The following GAB1 variants were observed in gnomAD, a reference collection of about 807,000 sequenced individuals.
GAB1 encodes GRB2 associated binding protein 1, also known as GRB2-associated-binding protein 1.
In GAB1, 19 loss-of-function variants were observed where a neutral mutation model predicts 66.5. The observed-to-expected ratio is 0.29, with a 90% CI of 0.20 to 0.42. The LOEUF is 0.42. Ranked by LOEUF, GAB1 falls within the 10% of genes least tolerant of loss-of-function variation. The pLI is 1.00. For synonymous variants in GAB1, 294 were observed against 301.4 expected (o/e 0.98, Z 0.25); for missense variants, 732 against 858.5 (o/e 0.85, Z 1.84).
At chr4:143,404,475 A>T (rs1169989410) in intron 1 of GAB1, among the ~76,000 whole-genome samples, 1 of 152,234 alleles carries the variant, frequency 6.6e-6, no homozygotes, top group East Asian at 1.9e-4. Context: ...GGATTTTATT[A>T]TTAAAGCTGT....
intron 6 of GAB1, among the ~76,000 whole-genome samples, chr4:143,440,770 A>G (rs956836463): frequency 3.3e-5 from 5 of 152,200 alleles, no homozygotes; most frequent in Non-Finnish European, 7.3e-5. Context: ...ATCTTCTGGT[A>G]TATCAGGAAA....
chr4:143,362,119 C>A (rs1729687143), intron 1 of GAB1, among the ~76,000 whole-genome samples: 1 of 151,178 alleles, frequency 6.6e-6, no homozygotes. Flanking sequence ...TGCTGGGTAA[C>A]CTAAAAGAAT....
chr4:143,392,477 T>C (rs1731231013), intron 1 of GAB1, among the ~76,000 whole-genome samples: 2 of 152,120 alleles, frequency 1.3e-5, no homozygotes. Context: ...GACAATTAAA[T>C]TGTGGTAAGA....
intron 6 of GAB1, among the ~76,000 whole-genome samples, chr4:143,456,889 C>G (rs1351073167): frequency 6.6e-6 from 1 of 152,102 alleles, no homozygotes; most frequent in Non-Finnish European, 1.5e-5. Context: ...GAAGGATGCC[C>G]TTTCATAGGC....
intron 8 of GAB1, among the ~76,000 whole-genome samples, chr4:143,463,479 C>T (rs546844780): frequency 6.6e-6 from 1 of 151,786 alleles, no homozygotes; most frequent in South Asian, 2.1e-4. Context: ...AAAAATTAGC[C>T]GGGCGTGGTG....
intron 8 of GAB1, among the ~76,000 whole-genome samples, chr4:143,465,350 T>A (rs1735726757): frequency 1.3e-5 from 2 of 152,182 alleles, no homozygotes; most frequent in South Asian, 4.1e-4. Context: ...TAGAGAGTAG[T>A]CCTACTGTAC....
chr4:143,464,259 T>C (rs2149795985), intron 8 of GAB1, among the ~76,000 whole-genome samples: 1 of 152,320 alleles, frequency 6.6e-6, no homozygotes, highest in East Asian at 1.9e-4. Flanking sequence ...AGACAGAGTT[T>C]CCCTCTGTTG....
At chr4:143,411,527 C>G (rs1177215741) in intron 1 of GAB1, among the ~76,000 whole-genome samples, 2 of 152,256 alleles carry the variant, frequency 1.3e-5, no homozygotes, top group East Asian at 3.9e-4. Context: ...TTCTAGAAAG[C>G]CTGTCCTTTT....
chr4:143,457,801 G>T (rs370190712), intron 6 of GAB1: 1 of 1,080,402 alleles, frequency 9.3e-7, no homozygotes, highest in Non-Finnish European at 1.4e-6. Context: ...GCTGTATGGG[G>T]CATTGGGAAT....
At position 143,402,153 on chromosome 4, in the gene GAB1, A is replaced by C. The variant is rs1418651459; in HGVS notation, c.73-13324A>C. On this transcript the variant is annotated intron_variant, in intron 1 of 9. Coordinates refer to ENST00000262994, the MANE Select transcript of GAB1 (RefSeq NM_002039.4). ...AAACCAATGCTATCCAAAAATTAAT[A>C]TCTAAGAATAACTTCGCATAAATTA... Among the ~76,000 whole-genome samples, 3 of 152,310 alleles carry C rather than the reference A, an allele frequency of 2.0e-5. No homozygotes were observed. In the East Asian group the frequency reaches 5.8e-4, roughly 29 times the overall value.
chr4:143,434,211 T>A, intron 3 of GAB1: 1 of 1,031,418 alleles, frequency 9.7e-7, no homozygotes, highest in South Asian at 1.4e-5. Context: ...GAGAAATTAA[T>A]CATAAGGTAA....
intron 9 of GAB1, 74 bp from the exon 10 acceptor site, chr4:143,468,957 G>T: frequency 2.1e-5 from 31 of 1,452,370 alleles, no homozygotes; most frequent in African/African-American, 7.1e-5. Context: ...GATGTGTTTT[G>T]TGTTTTAAGA....
At chr4:143,385,613 A>G (rs1357111272) in intron 1 of GAB1, among the ~76,000 whole-genome samples, 2 of 152,126 alleles carry the variant, frequency 1.3e-5, no homozygotes, top group Non-Finnish European at 2.9e-5. Flanking sequence ...CCATGATCTC[A>G]TTTCAGCCCA....
chr4:143,446,290 G>T (rs1402080601), intron 6 of GAB1, among the ~76,000 whole-genome samples: 4 of 152,218 alleles, frequency 2.6e-5, no homozygotes, highest in Admixed American at 1.3e-4. Flanking sequence ...ATGATTTATA[G>T]TCCTTTGGGT....
intron 1 of GAB1, among the ~76,000 whole-genome samples, chr4:143,387,652 C>G (rs1334645435): frequency 1.3e-5 from 2 of 152,194 alleles, no homozygotes; most frequent in Non-Finnish European, 2.9e-5. Context: ...CCCTGTAGGT[C>G]AGACTCTTTC....
intron 1 of GAB1, among the ~76,000 whole-genome samples, chr4:143,368,745 G>A (rs1025679382): frequency 1.3e-5 from 2 of 152,092 alleles, no homozygotes; most frequent in Non-Finnish European, 2.9e-5. Flanking sequence ...GCGATACAAG[G>A]CTGTATAAAG....
At chr4:143,408,904 G>C (rs1309041087) in intron 1 of GAB1, among the ~76,000 whole-genome samples, 1 of 152,196 alleles carries the variant, frequency 6.6e-6, no homozygotes, top group Non-Finnish European at 1.5e-5. Context: ...GAGCGGGTTA[G>C]TAAAATTACA....
At chr4:143,345,173 C>T (rs931429695) in intron 1 of GAB1, among the ~76,000 whole-genome samples, 47 of 152,180 alleles carry the variant, frequency 3.1e-4, no homozygotes, top group African/African-American at 1.1e-3. Context: ...TCATTCTTTC[C>T]TCACCTCTTA....
chr4:143,461,435 T>C (rs1042387775), intron 8 of GAB1, among the ~76,000 whole-genome samples: 1 of 152,166 alleles, frequency 6.6e-6, no homozygotes, highest in Non-Finnish European at 1.5e-5. Flanking sequence ...GTGGCACATA[T>C]GCTCATTGGA....
Sources: gnomAD v4.1 joint callset for allele counts (sites outside exome capture counted in the v4.1 genomes callset) on GRCh38, gnomAD v4.1.1 for gene constraint, MANE v1.5 for transcripts, NCBI Gene and HGNC (gene_info 2026-07-23, HGNC 2026-07-21) for gene names.